Variants in DYM observed in about 807,000 individuals in gnomAD.
The protein encoded by DYM is dyggve-Melchior-Clausen syndrome protein.
Under a neutral mutation model 93.1 loss-of-function variants are expected in DYM, and 78 were observed. The observed-to-expected ratio is 0.84, with a 90% CI of 0.70 to 1.01. DYM has a LOEUF of 1.01. Among genes scored for constraint, DYM ranks in the 50% least tolerant of loss-of-function variants. The pLI, the probability that DYM is intolerant of heterozygous loss-of-function variation, is 0.00. For synonymous variants in DYM, 321 were observed against 319.7 expected, an observed-to-expected ratio of 1.00 and a Z score of -0.04; for missense variants, 789 against 845.0, an observed-to-expected ratio of 0.93 and a Z score of 0.82.
intron 3 of DYM, among the ~76,000 whole-genome samples, chr18:49,387,166 C>T (rs566815437): frequency 5.9e-5 from 9 of 152,120 alleles, no homozygotes; most frequent in East Asian, 1.9e-4. Context: ...AGAATCCTCC[C>T]GCCTTGGCCT....
intron 15 of DYM, among the ~76,000 whole-genome samples, chr18:49,159,484 G>A (rs919593407): frequency 3.3e-5 from 5 of 152,082 alleles, no homozygotes; most frequent in African/African-American, 4.8e-5. Flanking sequence ...CAGAGTTAAC[G>A]GTATCTTAGA....
intron 8 of DYM, among the ~76,000 whole-genome samples, chr18:49,290,007 A>G (rs1227066142): frequency 1.3e-5 from 2 of 151,430 alleles, no homozygotes; most frequent in Non-Finnish European, 2.9e-5. Context: ...AGGACTTTTT[A>G]AAGTACATTT....
chr18:49,361,866 C>T (rs1304086570), intron 6 of DYM, among the ~76,000 whole-genome samples: 1 of 152,122 alleles, frequency 6.6e-6, no homozygotes, highest in Non-Finnish European at 1.5e-5. Context: ...GCTGGGATTA[C>T]AGGCATGCGC....
intron 5 of DYM, among the ~76,000 whole-genome samples, chr18:49,370,808 G>A (rs2066969454): frequency 6.6e-6 from 1 of 152,184 alleles, no homozygotes; most frequent in African/African-American, 2.4e-5. Context: ...GCATGGTGGA[G>A]TAGTTACTCC....
At chr18:49,378,325 A>G (rs2067705221) in intron 5 of DYM, among the ~76,000 whole-genome samples, 1 of 152,226 alleles carries the variant, frequency 6.6e-6, no homozygotes, top group Non-Finnish European at 1.5e-5. Context: ...TGAAAGTCAA[A>G]ATAAATGAAA....
intron 11 of DYM, among the ~76,000 whole-genome samples, chr18:49,261,496 C>A (rs1205424869): frequency 6.6e-6 from 1 of 152,162 alleles, no homozygotes; most frequent in African/African-American, 2.4e-5. Context: ...CATGGTGAAA[C>A]CCCGTCTCTA....
chr18:49,121,043 AG>A (rs2082331291), intron 15 of DYM, among the ~76,000 whole-genome samples: 1 of 152,250 alleles, frequency 6.6e-6, no homozygotes, highest in Non-Finnish European at 1.5e-5. Flanking sequence ...CACACAAAAA[AG>A]TAAGTAAAAG....
At chr18:49,316,202 A>G (rs1568232785) in intron 8 of DYM, among the ~76,000 whole-genome samples, 1 of 152,152 alleles carries the variant, frequency 6.6e-6, no homozygotes, top group Non-Finnish European at 1.5e-5. Flanking sequence ...GAATCGCTTG[A>G]ACCTGGGAGG....
chr18:49,044,874 C>T (rs1599298197), intron 17 of DYM, among the ~76,000 whole-genome samples: 2 of 152,258 alleles, frequency 1.3e-5, no homozygotes, highest in South Asian at 4.1e-4. Context: ...TCGCAGGTGC[C>T]CTGGTCTGCA....
intron 16 of DYM, chr18:49,114,477 A>T: frequency 1.2e-6 from 1 of 860,658 alleles, no homozygotes; most frequent in Non-Finnish European, 1.4e-6. Flanking sequence ...TCCTGCTTTT[A>T]CTTCTATATG....
At chr18:49,334,932 C>T (rs907992766) in intron 6 of DYM, among the ~76,000 whole-genome samples, 2 of 152,028 alleles carry the variant, frequency 1.3e-5, no homozygotes, top group Non-Finnish European at 2.9e-5. Flanking sequence ...ATGGTAAAAC[C>T]CCATCTCTGC....
chr18:49,214,804 C>T (rs4630621), intron 13 of DYM, among the ~76,000 whole-genome samples: 107,530 of 152,042 alleles, frequency 0.71, 39,429 homozygotes, highest in Non-Finnish European at 0.81. Context: ...AGGGATGATA[C>T]TAATAAACTT....
chr18:49,117,092 A>G (rs2145950671), intron 16 of DYM, among the ~76,000 whole-genome samples: 1 of 152,338 alleles, frequency 6.6e-6, no homozygotes, highest in East Asian at 1.9e-4. Context: ...TAAAATAAAC[A>G]TCCTTGTGTG....
chr18:49,274,208 A>AG (rs112316824), intron 10 of DYM, among the ~76,000 whole-genome samples: 14,378 of 152,008 alleles, frequency 0.095, 883 homozygotes, highest in East Asian at 0.31. Flanking sequence ...CTGTCTCTAT[A>AG]ATTTCCCTAT....
chr18:49,426,316 T>A (rs189244344), intron 2 of DYM, among the ~76,000 whole-genome samples: 30 of 145,534 alleles, frequency 2.1e-4, no homozygotes, highest in African/African-American at 7.4e-4. Flanking sequence ...AAACACCACA[T>A]GCTCTCACTC....
chr18:49,086,168 T>G (rs2078505490), intron 17 of DYM, among the ~76,000 whole-genome samples: 1 of 152,166 alleles, frequency 6.6e-6, no homozygotes, highest in Non-Finnish European at 1.5e-5. Flanking sequence ...TACCTGAAAC[T>G]GGGTAATTAT....
chr18:49,043,671 C>T lies in DYM; in HGVS notation c.*384G>A, dbSNP rs899004459. On this transcript the variant is annotated 3_prime_UTR_variant, in exon 18 of 18. Transcript: ENST00000675505. ...CTTGAACATGCAAAAAAATAGTCTA[C>T]GCTTTTGAATAGTGTGCACTGTTGA... 7.3e-5 allele frequency: 13 copies of T among 177,972 alleles called. No individual in the cohort carries two copies. Among genetic ancestry groups the T allele is most frequent in the African/African-American group, 2.1e-4 (9 of 42,116 alleles). The allele number at this position is 177,972 out of a possible 1,614,324, so 11.0% of individuals were successfully genotyped here.
chr18:49,275,094 G>A (rs1568151236), intron 10 of DYM, among the ~76,000 whole-genome samples: 1 of 152,076 alleles, frequency 6.6e-6, no homozygotes, highest in Non-Finnish European at 1.5e-5. Context: ...CTTCTAAGAG[G>A]TTTATAGTTT....
intron 16 of DYM, among the ~76,000 whole-genome samples, chr18:49,117,494 G>A (rs2082010646): frequency 6.6e-6 from 1 of 151,924 alleles, no homozygotes; most frequent in South Asian, 2.1e-4. Flanking sequence ...TTCCTCTTTT[G>A]GGAGTGCCTG....
Sources: gnomAD v4.1 joint callset for allele counts (sites outside exome capture counted in the v4.1 genomes callset) on GRCh38, gnomAD v4.1.1 for gene constraint, MANE v1.5 for transcripts, NCBI Gene and HGNC (gene_info 2026-07-23, HGNC 2026-07-21) for gene names.